Variants in TRIQK observed in about 807,000 individuals in gnomAD.
TRIQK encodes the protein triple QxxK/R motif containing.
A neutral mutation model predicts 10.8 loss-of-function variants in TRIQK; 10 were observed. The ratio of observed to expected loss-of-function variants is 0.92; its 90% confidence interval spans 0.57 to 1.57. The LOEUF (loss-of-function observed/expected upper bound fraction) is 1.57, where lower values mean the gene tolerates loss of function less well. Ranked by LOEUF, TRIQK falls within the 40% of genes most tolerant of loss-of-function variation. The pLI is 0.00. For synonymous variants in TRIQK, 33 were observed against 33.7 expected (o/e 0.98, Z 0.07); for missense variants, 107 against 97.7 (o/e 1.09, Z -0.40).
chr8:92,979,578 G>A (rs1449670322), intron 1 of TRIQK, among the ~76,000 whole-genome samples: 1 of 151,958 alleles, frequency 6.6e-6, no homozygotes, highest in Non-Finnish European at 1.5e-5. Context: ...ATGGTTTTTT[G>A]TAATAACAAT....
At chr8:92,981,794 A>G (rs1409994619) in intron 1 of TRIQK, among the ~76,000 whole-genome samples, 1 of 151,780 alleles carries the variant, frequency 6.6e-6, no homozygotes, top group Admixed American at 6.6e-5. Flanking sequence ...ATGCAGTCTG[A>G]TTTGAGTCTT....
At chr8:92,906,768 C>T (rs921082255) in intron 3 of TRIQK, among the ~76,000 whole-genome samples, 1 of 151,030 alleles carries the variant, frequency 6.6e-6, no homozygotes, top group African/African-American at 2.4e-5. Flanking sequence ...TGGCAGGCGC[C>T]TGTGGTCCCA....
At chr8:93,004,212 C>T (rs536809506) in intron 1 of TRIQK, among the ~76,000 whole-genome samples, 5 of 152,308 alleles carry the variant, frequency 3.3e-5, no homozygotes, top group African/African-American at 9.6e-5. Flanking sequence ...TCCGTACATC[C>T]TCTGAAATCT....
chr8:92,921,724 T>C (rs1810200875), intron 2 of TRIQK: 1 of 151,900 alleles, frequency 6.6e-6, no homozygotes, highest in South Asian at 2.1e-4. Flanking sequence ...ATTTATTTGT[T>C]ACAATAGTTG....
intron 2 of TRIQK, among the ~76,000 whole-genome samples, chr8:92,928,912 G>A (rs1810576813): frequency 1.3e-5 from 2 of 152,156 alleles, no homozygotes; most frequent in Admixed American, 1.3e-4. Flanking sequence ...GAGGTTTGAA[G>A]TTAACTAAGT....
At chr8:92,919,052 C>A (rs536690716) in intron 2 of TRIQK, among the ~76,000 whole-genome samples, 1 of 151,476 alleles carries the variant, frequency 6.6e-6, no homozygotes, top group African/African-American at 2.4e-5. Flanking sequence ...GATTTAGTTC[C>A]GGGTTCTCTG....
intron 1 of TRIQK, among the ~76,000 whole-genome samples, chr8:93,003,199 C>T (rs1355758972): frequency 6.6e-6 from 1 of 151,964 alleles, no homozygotes; most frequent in Non-Finnish European, 1.5e-5. Context: ...CTTTTATTAA[C>T]TTACACTTCC....
chr8:92,920,631 T>C (rs988243042), intron 2 of TRIQK, among the ~76,000 whole-genome samples: 11 of 151,362 alleles, frequency 7.3e-5, no homozygotes, highest in Non-Finnish European at 3.0e-5. Flanking sequence ...CAGACACTAT[T>C]GGGTAGAAAA....
At chr8:92,987,339 C>G (rs1310371203) in intron 1 of TRIQK, among the ~76,000 whole-genome samples, 1 of 152,128 alleles carries the variant, frequency 6.6e-6, no homozygotes, top group Non-Finnish European at 1.5e-5. Context: ...TTTCTAGATT[C>G]TCCAAAGAAT....
intron 1 of TRIQK, among the ~76,000 whole-genome samples, chr8:93,002,528 A>G (rs916747831): frequency 2.0e-5 from 3 of 152,232 alleles, no homozygotes; most frequent in African/African-American, 7.2e-5. Context: ...AAAGCATTGG[A>G]CACATACATC....
Position 92,929,363 on chromosome 8 carries a change from A to G in TRIQK, c.-21-12353T>C, listed in dbSNP as rs553790928. Among the ~76,000 whole-genome samples the G allele has an allele frequency of 3.4e-4, 52 of 152,318 alleles. No homozygotes were observed. The South Asian group carries it at 6.8e-3, about 20-fold the overall frequency. ...AAATCTACATTACAAAATGTTTAAAACAAGAAATAAGAAAACAAAGCACTT... is the reference window on the plus strand; with the variant it reads ...AAATCTACATTACAAAATGTTTAAAGCAAGAAATAAGAAAACAAAGCACTT... On this transcript the variant is annotated intron_variant, in intron 2 of 4. Transcript: ENST00000521988.
intron 2 of TRIQK, among the ~76,000 whole-genome samples, chr8:92,924,639 GA>G (rs1024609663): frequency 1.3e-4 from 19 of 148,830 alleles, no homozygotes; most frequent in African/African-American, 9.8e-5. Context: ...TTAAGGAAAT[GA>G]AAAAAAAAGT....
intron 1 of TRIQK, chr8:92,963,613 G>C (rs1325524567): frequency 6.6e-6 from 1 of 152,078 alleles, no homozygotes; most frequent in Non-Finnish European, 1.5e-5. Flanking sequence ...TACAATTTTG[G>C]CCAGACGCGG....
At chr8:92,924,036 G>GA (rs1191588073) in intron 2 of TRIQK, among the ~76,000 whole-genome samples, 2 of 151,850 alleles carry the variant, frequency 1.3e-5, no homozygotes, top group South Asian at 2.1e-4. Flanking sequence ...CATGTCCACA[G>GA]AAAAAATAAT....
chr8:92,890,136 T>A (rs1378445769), intron 4 of TRIQK, among the ~76,000 whole-genome samples: 2 of 151,730 alleles, frequency 1.3e-5, no homozygotes, highest in African/African-American at 4.8e-5. Flanking sequence ...TGAAAGAAAC[T>A]TTGTTATTTA....
At chr8:92,967,276 C>A (rs575267163), upstream of TRIQK, among the ~76,000 whole-genome samples, 40 of 149,232 alleles carry the variant, frequency 2.7e-4, no homozygotes, top group Admixed American at 1.5e-3. Context: ...CTGATAGATA[C>A]GGTTGTAGTA....
At chr8:92,939,901 A>G (rs1811183301) in intron 2 of TRIQK, among the ~76,000 whole-genome samples, 1 of 151,960 alleles carries the variant, frequency 6.6e-6, no homozygotes, top group Non-Finnish European at 1.5e-5. Flanking sequence ...ACTCCACCTA[A>G]CCTTGCAGCC....
intron 1 of TRIQK, among the ~76,000 whole-genome samples, chr8:93,009,997 A>G (rs905315130): frequency 1.3e-4 from 20 of 152,164 alleles, no homozygotes; most frequent in Admixed American, 2.6e-4. Context: ...GGACATTATG[A>G]TAGTAAAATT....
chr8:92,947,587 GAAAAAAAAAAA>G (rs35808197), intron 2 of TRIQK, among the ~76,000 whole-genome samples: 4 of 61,440 alleles, frequency 6.5e-5, no homozygotes, highest in South Asian at 8.6e-4. Flanking sequence ...TCCGCCTCAG[GAAAAAAAAAAA>G]AAAAAAAAAA....
Sources: gnomAD v4.1 joint callset for allele counts (sites outside exome capture counted in the v4.1 genomes callset) on GRCh38, gnomAD v4.1.1 for gene constraint, MANE v1.5 for transcripts, NCBI Gene and HGNC (gene_info 2026-07-23, HGNC 2026-07-21) for gene names.